The following PLXNA4 variants were observed in gnomAD, a reference collection of about 807,000 sequenced individuals.
PLXNA4 encodes plexin-A4.
PLXNA4 carries 44 observed loss-of-function variants against 191.8 expected under a neutral mutation model. The observed-to-expected ratio is 0.23, with a 90% CI of 0.18 to 0.29. The LOEUF is 0.29. Among genes scored for constraint, PLXNA4 ranks in the 10% least tolerant of loss-of-function variants. The pLI is 1.00. For synonymous variants in PLXNA4, 1,082 were observed against 1,009.5 expected (o/e 1.07, Z -1.36); for missense variants, 1,800 against 2,488.8 (o/e 0.72, Z 5.89).
chr7:132,609,573 T>C (rs182830825), intron 2 of PLXNA4, among the ~76,000 whole-genome samples: 1 of 152,234 alleles, frequency 6.6e-6, no homozygotes, highest in Non-Finnish European at 1.5e-5. Flanking sequence ...GAGCTATCAC[T>C]GCAGATGGCC....
At chr7:132,561,862 CCT>C (rs1215909729) in intron 1 of PLXNA4, among the ~76,000 whole-genome samples, 4 of 144,442 alleles carry the variant, frequency 2.8e-5, no homozygotes, top group Non-Finnish European at 6.1e-5. Context: ...TCCTTATCCT[CCT>C]CTTTCTCCTC....
intron 3 of PLXNA4, among the ~76,000 whole-genome samples, chr7:132,346,067 C>G (rs2116773759): frequency 6.6e-6 from 1 of 152,340 alleles, no homozygotes; most frequent in East Asian, 1.9e-4. Context: ...CTCTCTGGGT[C>G]TTTCTCAGCA....
chr7:132,342,811 G>A (rs1235084870), intron 3 of PLXNA4, among the ~76,000 whole-genome samples: 1 of 152,036 alleles, frequency 6.6e-6, no homozygotes, highest in Non-Finnish European at 1.5e-5. Flanking sequence ...GCCAGGCATG[G>A]TGCTGGGCAC....
At chr7:132,612,933 A>T (rs1160443947) in intron 2 of PLXNA4, among the ~76,000 whole-genome samples, 1 of 152,172 alleles carries the variant, frequency 6.6e-6, no homozygotes, top group African/African-American at 2.4e-5. Flanking sequence ...TGATCTTCGT[A>T]AGAATATATA....
intron 4 of PLXNA4, among the ~76,000 whole-genome samples, chr7:132,272,793 T>G (rs1800126147): frequency 6.6e-6 from 1 of 152,178 alleles, no homozygotes; most frequent in African/African-American, 2.4e-5. Flanking sequence ...ATGTCCATTT[T>G]CTCTCTGGTT....
intron 3 of PLXNA4, among the ~76,000 whole-genome samples, chr7:132,435,803 G>A (rs570158722): frequency 4.6e-5 from 7 of 152,154 alleles, no homozygotes; most frequent in South Asian, 4.2e-4. Context: ...TGGAGTACCC[G>A]CTTCCTCTCT....
At chr7:132,484,679 C>T in intron 3 of PLXNA4, 3 of 1,408,256 alleles carry the variant, frequency 2.1e-6, no homozygotes, top group Non-Finnish European at 2.8e-6. Context: ...TCTGCCCTAA[C>T]CACATGTTCC....
At chr7:132,612,018 G>A (rs1278567773) in intron 2 of PLXNA4, among the ~76,000 whole-genome samples, 1 of 152,154 alleles carries the variant, frequency 6.6e-6, no homozygotes, top group Non-Finnish European at 1.5e-5. Flanking sequence ...GTCATCAGTA[G>A]GTCAAGATTG....
At chr7:132,256,168 A>G in intron 4 of PLXNA4, among the ~76,000 whole-genome samples, 1 of 152,246 alleles carries the variant, frequency 6.6e-6, no homozygotes, top group South Asian at 2.1e-4. Context: ...CACAGAATCC[A>G]GCAGCCCCTG....
chr7:132,364,549 C>G (rs1804077981), intron 3 of PLXNA4, among the ~76,000 whole-genome samples: 2 of 152,194 alleles, frequency 1.3e-5, no homozygotes, highest in African/African-American at 2.4e-5. Flanking sequence ...CTTCCTTTCT[C>G]CATAAAGTCA....
chr7:132,254,880 T>C (rs10240355), intron 4 of PLXNA4, among the ~76,000 whole-genome samples: 57,207 of 151,982 alleles, frequency 0.38, 12,089 homozygotes, highest in East Asian at 0.7. Flanking sequence ...GAAATGGCTA[T>C]TAGAGCTATA....
intron 3 of PLXNA4, among the ~76,000 whole-genome samples, chr7:132,330,203 G>A (rs1276793405): frequency 6.6e-6 from 1 of 152,174 alleles, no homozygotes; most frequent in Non-Finnish European, 1.5e-5. Flanking sequence ...GATTGTTTGG[G>A]GGCAGTGAGG....
At position 132,228,488 on chromosome 7, in the gene PLXNA4, C is replaced by T. The variant is rs117875748; in HGVS notation, c.1605-19G>A. On this transcript the variant is annotated intron_variant, in intron 5 of 31. Coordinates refer to ENST00000321063, the MANE Select transcript of PLXNA4 (RefSeq NM_020911.2). The stretch of plus-strand genomic sequence containing the variant: ...GGTGCAACTGGGAAGGACATACCCT[C>T]GAGTTACTCAGGAGATGGCCGCTTG... 563 of 1,613,626 alleles carry T rather than the reference C, an allele frequency of 3.5e-4. 4 individuals are homozygous for T. In the East Asian group the frequency reaches 0.011, roughly 32 times the overall value.
chr7:132,635,706 G>A (rs1368989513), intron 2 of PLXNA4, among the ~76,000 whole-genome samples: 3 of 151,954 alleles, frequency 2.0e-5, no homozygotes, highest in Admixed American at 1.3e-4. Flanking sequence ...AACGAACCAC[G>A]GAAGATGCAA....
intron 3 of PLXNA4, among the ~76,000 whole-genome samples, chr7:132,359,627 G>T (rs1486372159): frequency 6.6e-6 from 1 of 152,034 alleles, no homozygotes; most frequent in Non-Finnish European, 1.5e-5. Flanking sequence ...TATACCTAAG[G>T]TCTTAAATTA....
intron 9 of PLXNA4, among the ~76,000 whole-genome samples, chr7:132,213,116 G>A (rs1038195825): frequency 2.0e-5 from 3 of 152,206 alleles, no homozygotes; most frequent in Admixed American, 1.3e-4. Flanking sequence ...TGAACCTTGG[G>A]GACATTATGC....
At chr7:132,445,617 G>C (rs1011476291) in intron 3 of PLXNA4, among the ~76,000 whole-genome samples, 3 of 151,990 alleles carry the variant, frequency 2.0e-5, no homozygotes, top group Non-Finnish European at 4.4e-5. Context: ...CATTTTTCAC[G>C]CCAAAATTCT....
At chr7:132,173,036 C>A (rs1388189708) in intron 21 of PLXNA4, among the ~76,000 whole-genome samples, 1 of 152,196 alleles carries the variant, frequency 6.6e-6, no homozygotes, top group Non-Finnish European at 1.5e-5. Context: ...ATGTGCCAGG[C>A]ACTCTACTCT....
chr7:132,505,853 TCA>T (rs145687061), intron 2 of PLXNA4, among the ~76,000 whole-genome samples: 1,539 of 152,242 alleles, frequency 0.01, 24 homozygotes, highest in African/African-American at 0.035. Flanking sequence ...CCCCGTAAGT[TCA>T]CAGACCTGTC....
Sources: gnomAD v4.1 joint callset for allele counts (sites outside exome capture counted in the v4.1 genomes callset) on GRCh38, gnomAD v4.1.1 for gene constraint, MANE v1.5 for transcripts, NCBI Gene and HGNC (gene_info 2026-07-23, HGNC 2026-07-21) for gene names.